SPATA16: variants seen among roughly 807,000 people sequenced by gnomAD.
SPATA16 encodes spermatogenesis associated 16.
In SPATA16, 36 loss-of-function variants were observed where a neutral mutation model predicts 63.3. The observed-to-expected ratio is 0.57, with a 90% CI of 0.44 to 0.75. The LOEUF is 0.75. Ranked by LOEUF, SPATA16 falls within the 30% of genes least tolerant of loss-of-function variation. The pLI is 0.00. For missense variants in SPATA16, 646 were observed against 679.3 expected, an observed-to-expected ratio of 0.95 and a Z score of 0.54; for synonymous variants, 203 against 216.7, an observed-to-expected ratio of 0.94 and a Z score of 0.56.
At chr3:173,021,476 T>C (rs1735329760) in intron 3 of SPATA16, among the ~76,000 whole-genome samples, 1 of 152,196 alleles carries the variant, frequency 6.6e-6, no homozygotes, top group African/African-American at 2.4e-5. Context: ...ATGTTGGAAA[T>C]GTTAAAATGA....
Position 172,946,137 on chromosome 3 carries a change from A to T in SPATA16, c.1081+10540T>A, listed in dbSNP as rs1020538980. 3.3e-5 allele frequency among the ~76,000 whole-genome samples: 5 copies of T among 152,196 alleles called. No homozygotes were observed. In the East Asian group the frequency reaches 9.6e-4, roughly 29 times the overall value. Reference sequence around the variant, plus strand: ...GGGAACCTGCTGCCTTGAAGGGAAGAGCCCAGTCCTAGCAGGGTTCATCAC... The same window carrying T: ...GGGAACCTGCTGCCTTGAAGGGAAGTGCCCAGTCCTAGCAGGGTTCATCAC... On this transcript the variant is annotated intron_variant, in intron 6 of 10. Coordinates refer to ENST00000351008, the MANE Select transcript of SPATA16 (RefSeq NM_031955.6).
At chr3:173,082,016 G>T (rs1375902696) in intron 2 of SPATA16, among the ~76,000 whole-genome samples, 3 of 152,108 alleles carry the variant, frequency 2.0e-5, no homozygotes, top group Non-Finnish European at 4.4e-5. Context: ...TATAAATGTA[G>T]ATTACGTAAG....
intron 2 of SPATA16, among the ~76,000 whole-genome samples, chr3:173,093,652 C>T (rs746179187): frequency 4.6e-5 from 7 of 152,172 alleles, no homozygotes; most frequent in Middle Eastern, 3.4e-3. Flanking sequence ...GTAAAATAAG[C>T]CTGCAGAAGT....
At chr3:173,140,015 A>C (rs1738665759) in intron 1 of SPATA16, among the ~76,000 whole-genome samples, 1 of 151,638 alleles carries the variant, frequency 6.6e-6, no homozygotes, top group Non-Finnish European at 1.5e-5. Flanking sequence ...CAAACAAACA[A>C]ACAAACTCCT....
At chr3:172,918,159 A>C (rs764127749) in intron 8 of SPATA16, among the ~76,000 whole-genome samples, 1 of 152,244 alleles carries the variant, frequency 6.6e-6, no homozygotes, top group Non-Finnish European at 1.5e-5. Flanking sequence ...AAACAATGGC[A>C]TTCTGTCAAA....
chr3:173,113,879 C>A (rs1461238452), intron 2 of SPATA16, among the ~76,000 whole-genome samples: 1 of 152,150 alleles, frequency 6.6e-6, no homozygotes, highest in African/African-American at 2.4e-5. Flanking sequence ...ACATATTTGG[C>A]AACCATTCTG....
At chr3:172,960,933 C>CTT (rs2108238249) in intron 5 of SPATA16, among the ~76,000 whole-genome samples, 1 of 144,962 alleles carries the variant, frequency 6.9e-6, no homozygotes, top group African/African-American at 2.7e-5. Context: ...TTCCTTCCTT[C>CTT]TCTTTCTCTC....
intron 6 of SPATA16, among the ~76,000 whole-genome samples, chr3:172,947,338 A>G (rs1733316479): frequency 6.6e-6 from 1 of 152,162 alleles, no homozygotes; most frequent in African/African-American, 2.4e-5. Context: ...AACATCTACA[A>G]ACATCGAGAA....
At chr3:172,992,491 A>G (rs555345588) in intron 4 of SPATA16, among the ~76,000 whole-genome samples, 4 of 152,150 alleles carry the variant, frequency 2.6e-5, no homozygotes, top group African/African-American at 9.6e-5. Flanking sequence ...GAAAAAGCAC[A>G]TCCCTTAAAG....
At chr3:173,010,435 CGTGTGTGTGTGTGTGT>C (rs66547523) in intron 4 of SPATA16, among the ~76,000 whole-genome samples, 51 of 141,406 alleles carry the variant, frequency 3.6e-4, no homozygotes, top group African/African-American at 1.2e-3. Context: ...CACGTTGTGG[CGTGTGTGTGTGTGTGT>C]GTGTGTGTGT....
intron 8 of SPATA16, among the ~76,000 whole-genome samples, chr3:172,923,000 C>T (rs537756137): frequency 1.3e-5 from 2 of 152,288 alleles, no homozygotes; most frequent in Admixed American, 6.5e-5. Context: ...AGCTAGGCCA[C>T]AGGCAGATCA....
chr3:173,129,048 G>A (rs763201744), intron 1 of SPATA16, among the ~76,000 whole-genome samples: 5 of 152,190 alleles, frequency 3.3e-5, no homozygotes, highest in South Asian at 2.1e-4. Context: ...TGAAAAATAC[G>A]TTTATAAGAA....
intron 10 of SPATA16, among the ~76,000 whole-genome samples, chr3:172,891,241 G>A (rs1731889277): frequency 6.6e-6 from 1 of 152,132 alleles, no homozygotes. Context: ...GCAGCAAAAA[G>A]CTTCCTTCAA....
chr3:173,081,111 C>A lies in SPATA16; in HGVS notation c.613-32017G>T, dbSNP rs137947378. On this transcript the variant is annotated intron_variant, in intron 2 of 10. Transcript: ENST00000351008. ...AACCCTAATATCAAAATATCAAAATCTTATCTGTAGATTTCTAGCTTAGAA... is the reference window on the plus strand; with the variant it reads ...AACCCTAATATCAAAATATCAAAATATTATCTGTAGATTTCTAGCTTAGAA... Among the ~76,000 whole-genome samples, 630 of 152,276 alleles carry A rather than the reference C, an allele frequency of 4.1e-3. 8 individuals carry two copies. The highest frequency in any genetic ancestry group is 0.014 in the African/African-American group (601 of 41,542).
intron 2 of SPATA16, among the ~76,000 whole-genome samples, chr3:173,067,175 A>C (rs1736541284): frequency 6.6e-6 from 1 of 152,110 alleles, no homozygotes; most frequent in Non-Finnish European, 1.5e-5. Context: ...TCTAGAAAAT[A>C]ACCCCCAAAA....
At chr3:172,988,761 C>T (rs1173064039) in intron 4 of SPATA16, among the ~76,000 whole-genome samples, 3 of 152,112 alleles carry the variant, frequency 2.0e-5, no homozygotes, top group Non-Finnish European at 2.9e-5. Context: ...CTCAGCCTCC[C>T]GAGTAGCTGA....
chr3:173,139,445 CAAG>C, intron 1 of SPATA16, among the ~76,000 whole-genome samples: 1 of 152,242 alleles, frequency 6.6e-6, no homozygotes, highest in East Asian at 1.9e-4. Context: ...CATTACTTTC[CAAG>C]AAGATGACTC....
chr3:173,093,331 A>T (rs1737271310), intron 2 of SPATA16, among the ~76,000 whole-genome samples: 1 of 152,114 alleles, frequency 6.6e-6, no homozygotes, highest in African/African-American at 2.4e-5. Flanking sequence ...TGTGGGAAGC[A>T]CAGCTCTAGA....
intron 6 of SPATA16, among the ~76,000 whole-genome samples, chr3:172,933,574 C>T (rs1046154898): frequency 2.0e-5 from 3 of 152,112 alleles, no homozygotes; most frequent in Non-Finnish European, 2.9e-5. Context: ...GCAGAGTTAG[C>T]GGAACACCAG....
Sources: allele counts gnomAD v4.1 joint callset (sites outside exome capture counted in the v4.1 genomes callset), GRCh38; gene constraint gnomAD v4.1.1; transcripts MANE v1.5; gene names NCBI Gene and HGNC (gene_info 2026-07-23, HGNC 2026-07-21).